The following PKP3 variants were observed in gnomAD, a reference collection of about 807,000 sequenced individuals.
PKP3 encodes plakophilin-3.
PKP3 carries 66 observed loss-of-function variants against 76.5 expected under a neutral mutation model. The observed-to-expected ratio is 0.86, with a 90% CI of 0.71 to 1.06. PKP3 has a LOEUF of 1.06. Among genes scored for constraint, PKP3 ranks in the 50% least tolerant of loss-of-function variants. The pLI, the probability that PKP3 is intolerant of heterozygous loss-of-function variation, is 0.00. For synonymous variants in PKP3, 638 were observed against 516.5 expected (o/e 1.24, Z -3.19); for missense variants, 1,338 against 1,141.0 (o/e 1.17, Z -2.49).
In PKP3 at chr11:404,591, G is replaced by A; in HGVS notation, c.*22G>A. The A allele has an allele frequency of 6.2e-7, 1 of 1,610,924 alleles. No individual in the cohort carries two copies. The highest frequency in any genetic ancestry group is 2.2e-5 in the East Asian group (1 of 44,878). On this transcript the variant is annotated 3_prime_UTR_variant, in exon 13 of 13. Coordinates refer to ENST00000331563, the MANE Select transcript of PKP3 (RefSeq NM_007183.4). The surrounding 1 kb of genome is among the most constrained non-coding windows in gnomAD (Gnocchi z 4.2). Reference sequence around the variant, plus strand: ...ATAGGTGAAGCCTTCTGGAGGAGAAGGTGACGTGGCCCAGCGTCCAAGGGA... The same window carrying A: ...ATAGGTGAAGCCTTCTGGAGGAGAAAGTGACGTGGCCCAGCGTCCAAGGGA...
chr11:392,610 G>T (rs781228269), upstream of PKP3: 1 of 1,272,510 alleles, frequency 7.9e-7, no homozygotes, highest in Non-Finnish European at 1.0e-6. Context: ...AGGCTGCCCC[G>T]CACGCGCCGG....
rs745379246 is a variant in PKP3, at chr11:397,396, G to A, written c.895G>A (p.Gly299Arg). The change falls in exon 3 of 13, where the codon GGG becomes AGG. Residue 299 changes from glycine (G) to arginine (R), a missense_variant. Gly to Arg is a moderately radical substitution (Grantham distance 125). Coordinates refer to ENST00000331563, the MANE Select transcript of PKP3 (RefSeq NM_007183.4). ...ADSGHLPDVH[G>R]FNSYGSHRTL... ...CTCGGGCCACCTGCCGGACGTGCAT[G>A]GGTTCAACAGCTACGGTAGCCACCG... 1.2e-6 allele frequency: 2 copies of A among 1,611,718 alleles called. No homozygotes were observed. The highest frequency in any genetic ancestry group is 3.3e-5 in the Admixed American group (2 of 59,896).
intron 4 of PKP3, 69 bp from the exon 5 acceptor site, chr11:398,923 C>T: frequency 8.2e-7 from 1 of 1,216,268 alleles, no homozygotes; most frequent in East Asian, 2.4e-5. Context: ...CTGGACACAG[C>T]TGCACACAGG....
In PKP3 at chr11:400,572, C is replaced by T; in HGVS notation, c.1604C>T (p.Ser535Phe). ...GCGGTGTGCGTCCTGCGGAACCTGT[C>T]CTACCGCCTCTACGACGAGATGCCG... is the stretch of plus-strand genomic sequence containing the variant. ...ENAVCVLRNLSYRLYDEMPPS... is the reference protein window; with the variant it reads ...ENAVCVLRNLFYRLYDEMPPS... The change falls in exon 8 of 13, where the codon TCC (serine) becomes TTC (phenylalanine). Residue 535 changes from serine to phenylalanine, a missense_variant. By Grantham distance (155) the Ser-to-Phe change is radical. Transcript: ENST00000331563. 1 of 1,485,732 alleles carries T rather than the reference C, an allele frequency of 6.7e-7. No homozygotes were observed. The highest frequency in any genetic ancestry group is 8.9e-7 in the Non-Finnish European group (1 of 1,126,516). 92.0% of individuals were successfully genotyped at this position (1,485,732 alleles called of 1,614,324 possible).
intron 10 of PKP3, 73 bp from the exon 11 acceptor site, chr11:403,870 G>C: frequency 1.3e-6 from 2 of 1,563,436 alleles, no homozygotes; most frequent in South Asian, 2.3e-5. Context: ...CCAGCTCCCT[G>C]GGGGAGGCAG....
Position 403,660 on chromosome 11 carries a change from A to G in PKP3, c.1966A>G (p.Ile656Val), listed in dbSNP as rs763275862. The G allele has an allele frequency of 8.7e-6, 14 of 1,609,660 alleles. No individual in the cohort carries two copies. The highest frequency in any genetic ancestry group is 1.7e-6 in the Non-Finnish European group (2 of 1,179,782). ...CCGCCTGGCCCTGGAGCAGGAGCGT[A>G]TTCTGAACCCCCTGCTAGACCGTGT... ...LSRLALEQERILNPLLDRVRT... is the reference protein window; with the variant it reads ...LSRLALEQERVLNPLLDRVRT... The change falls in exon 10 of 13, where the codon ATT becomes GTT. Residue 656 changes from isoleucine to valine, a missense_variant. Ile to Val is a conservative substitution (Grantham distance 29). Transcript: ENST00000331563.
In PKP3 at chr11:400,147, C is replaced by A; in HGVS notation, c.1448+6C>A. ...AACGCCACCGGCTTCCTCAGGTGCG[C>A]CAGCCTCGGGCAGCGGGGTGGGGAT... On this transcript the variant is annotated splice_donor_region_variant and intron_variant, in intron 6 of 12. Coordinates refer to ENST00000331563, the MANE Select transcript of PKP3 (RefSeq NM_007183.4). 1 of 1,541,856 alleles carries A rather than the reference C, an allele frequency of 6.5e-7. No homozygotes were observed. Among genetic ancestry groups the A allele is most frequent in the Non-Finnish European group, 8.7e-7 (1 of 1,147,446 alleles).
At chr11:400,760 GACCCCGGCCCCGCTC>G (rs1847142464) in intron 8 of PKP3, 55 bp downstream of exon 8, 2 of 1,015,380 alleles carry the variant, frequency 2.0e-6, no homozygotes, top group Non-Finnish European at 2.4e-6. Flanking sequence ...CGGCCCCGCT[GACCCCGGCCCCGCTC>G]ACCCCCGCCC....
chr11:392,771 C>A, upstream of PKP3: 2 of 891,886 alleles, frequency 2.2e-6, no homozygotes, highest in Non-Finnish European at 3.2e-6. Context: ...CCGGGCCTCA[C>A]CCATCCTTTC....
chr11:403,149 G>C lies in PKP3; in HGVS notation c.1809G>C (p.Trp603Cys), dbSNP rs764168641. The C allele has an allele frequency of 1.3e-6, 2 of 1,580,442 alleles. No homozygotes were observed. The highest frequency in any genetic ancestry group is 1.7e-6 in the Non-Finnish European group (2 of 1,164,956). The change falls in exon 9 of 13, where the codon TGG becomes TGC. Residue 603 changes from tryptophan to cysteine, a missense_variant. Trp to Cys is a radical substitution (Grantham distance 215, BLOSUM62 -2). Transcript: ENST00000331563. ...SKDPKGLEWL[W>C]SPQIVGLYNR... ...ACCCCAAGGGCCTCGAGTGGCTGTG[G>C]AGCCCCCAGATCGTGGGGCTGTACA...
intron 1 of PKP3, chr11:396,297 C>T (rs1286577424): frequency 5.6e-6 from 2 of 358,596 alleles, no homozygotes; most frequent in African/African-American, 4.2e-5. Flanking sequence ...GATTGGAGAA[C>T]TGATGTCAGA....
At chr11:398,497 C>G (rs35832971) in intron 4 of PKP3, among the ~76,000 whole-genome samples, 1 of 26,572 alleles carries the variant, frequency 3.8e-5, no homozygotes, top group African/African-American at 1.7e-4. Context: ...TGTCACCTCC[C>G]TACCCCCGCA....
rs772575836 is a variant in PKP3 at position 397,046 on chromosome 11, G to A, written c.545G>A (p.Arg182His). 97 of 1,599,264 alleles carry A rather than the reference G, an allele frequency of 6.1e-5. No individual in the cohort carries two copies. Among genetic ancestry groups the A allele is most frequent in the Non-Finnish European group, 7.4e-5 (87 of 1,179,558 alleles). ...SRADYDTLSL[R>H]SLRLGPGGLD... ...GCCGACTATGACACACTCTCCCTGC[G>A]CTCGCTGCGGCTGGGGCCCGGGGGC... The change falls in exon 3 of 13, where the codon CGC becomes CAC. Residue 182 changes from arginine to histidine, a missense_variant. Transcript: ENST00000331563.
At chr11:394,093 A>T (rs1408570282), upstream of PKP3, 1 of 712,466 alleles carries the variant, frequency 1.4e-6, no homozygotes, top group East Asian at 3.6e-5. Context: ...CACCTTAAGC[A>T]GGCGGCGGCC....
chr11:403,463 G>A (rs978373937), intron 9 of PKP3, among the ~76,000 whole-genome samples, 155 bp from the exon 10 acceptor site: 3 of 152,236 alleles, frequency 2.0e-5, no homozygotes, highest in South Asian at 2.1e-4. Flanking sequence ...CACCTGATCC[G>A]GGCTGCGGCT....
At position 403,633 on chromosome 11, in the gene PKP3, AGCCGCCT is replaced by A; in HGVS notation, c.1941_1947del (p.Ser647ArgfsTer9). On this transcript the variant is annotated frameshift_variant, in exon 10 of 13. Coordinates refer to ENST00000331563, the MANE Select transcript of PKP3 (RefSeq NM_007183.4). LOFTEE classifies it high-confidence loss of function. ...CTCCCCACAGTGGGCGGGGGTGCTGAGCCGCCTGGCCCTGGAGCAGGAGCGTATTCTG... is the reference window on the plus strand; with the variant it reads ...CTCCCCACAGTGGGCGGGGGTGCTGAGGCCCTGGAGCAGGAGCGTATTCTG... 1 of 1,606,354 alleles carries A rather than the reference AGCCGCCT, an allele frequency of 6.2e-7. No homozygotes were observed. The highest frequency in any genetic ancestry group is 1.1e-5 in the South Asian group (1 of 91,036).
At chr11:403,589 G>A in intron 9 of PKP3, 29 bp from the exon 10 acceptor site, 1 of 1,596,590 alleles carries the variant, frequency 6.3e-7, no homozygotes, top group Non-Finnish European at 8.5e-7. Context: ...AGGCCTCCGG[G>A]TCACGGCTCA....
At chr11:398,014 C>G (rs1847082096) in intron 4 of PKP3, among the ~76,000 whole-genome samples, 1 of 125,164 alleles carries the variant, frequency 8.0e-6, no homozygotes, top group East Asian at 2.5e-4. Context: ...TCCATACCCC[C>G]ACACACACCT....
In PKP3 at chr11:404,442, CG is replaced by C; in HGVS notation, c.2359-89del. 1 of 1,503,966 alleles carries C rather than the reference CG, an allele frequency of 6.6e-7. No homozygotes were observed. Among genetic ancestry groups the C allele is most frequent in the Non-Finnish European group, 9.2e-7 (1 of 1,081,312 alleles). 93.2% of individuals were successfully genotyped at this position (1,503,966 alleles called of 1,614,324 possible). A position where few individuals can be genotyped will look rare whatever the true frequency, so the allele number is the denominator to read the frequency against. On this transcript the variant is annotated intron_variant, in intron 12 of 12. Coordinates refer to ENST00000331563, the MANE Select transcript of PKP3 (RefSeq NM_007183.4). This position sits in a 1 kb window ranked among gnomAD's most constrained non-coding sequence, Gnocchi z 4.2. The stretch of plus-strand genomic sequence containing the variant: ...ACCAGGGACCCAGAGAGGAAGGGTC[CG>C]GGCCACACCCAGCACACTGCAGGAG...
Sources: allele counts gnomAD v4.1 joint callset (sites outside exome capture counted in the v4.1 genomes callset), GRCh38; gene constraint gnomAD v4.1.1; non-coding constraint Gnocchi (gnomAD v3.1); transcripts MANE v1.5; gene names NCBI Gene and HGNC (gene_info 2026-07-23, HGNC 2026-07-21).